Variants in RBFOX1 observed in about 807,000 individuals in gnomAD.
RBFOX1 encodes the protein RNA binding fox-1 homolog 1.
A neutral mutation model predicts 57.7 loss-of-function variants in RBFOX1; 8 were observed. The ratio of observed to expected loss-of-function variants is 0.14; its 90% CI spans 0.08 to 0.25. RBFOX1 has a LOEUF of 0.25. RBFOX1 is among the 10% of genes least tolerant of loss of function. The probability of loss-of-function intolerance (pLI) is 1.00; values close to 1 mark genes in which losing one functional copy is unlikely to be tolerated. For missense variants in RBFOX1, 611 were observed against 548.5 expected (o/e 1.11, Z -1.14); for synonymous variants, 326 against 222.4 (o/e 1.47, Z -4.15).
chr16:5,924,798 T>C (rs2058907569), intron 4 of RBFOX1, among the ~76,000 whole-genome samples: 1 of 152,236 alleles, frequency 6.6e-6, no homozygotes, highest in Non-Finnish European at 1.5e-5. Flanking sequence ...TGTTTCCATC[T>C]TCATGTCTCC....
At chr16:6,961,051 G>A (rs1046884016) in intron 3 of RBFOX1, among the ~76,000 whole-genome samples, 25 of 151,542 alleles carry the variant, frequency 1.6e-4, no homozygotes, top group Non-Finnish European at 2.4e-4. Flanking sequence ...GCTGAGGCAG[G>A]AGAATCACTT....
chr16:6,728,730 T>C (rs2067827357), intron 3 of RBFOX1, among the ~76,000 whole-genome samples: 1 of 152,160 alleles, frequency 6.6e-6, no homozygotes, highest in African/African-American at 2.4e-5. Flanking sequence ...TAATGCTCAA[T>C]AGAAGAAACA....
chr16:5,284,551 T>G (rs2063345629), intron 1 of RBFOX1, among the ~76,000 whole-genome samples: 1 of 150,446 alleles, frequency 6.6e-6, no homozygotes, highest in Non-Finnish European at 1.5e-5. Flanking sequence ...TTTTTTTTTT[T>G]TTTTTTAGGC....
chr16:6,102,944 T>G (rs1276521182), intron 1 of RBFOX1, among the ~76,000 whole-genome samples: 1 of 152,208 alleles, frequency 6.6e-6, no homozygotes, highest in Non-Finnish European at 1.5e-5. Context: ...TGCAGGCTTC[T>G]TAGAGTGTTC....
intron 1 of RBFOX1, among the ~76,000 whole-genome samples, chr16:5,322,097 A>T (rs1384670566): frequency 1.3e-5 from 2 of 152,068 alleles, no homozygotes; most frequent in Non-Finnish European, 2.9e-5. Flanking sequence ...CGGGACCTGA[A>T]CCCTGACGCA....
intron 2 of RBFOX1, among the ~76,000 whole-genome samples, chr16:6,620,814 G>A (rs1208371308): frequency 6.6e-6 from 1 of 152,198 alleles, no homozygotes; most frequent in African/African-American, 2.4e-5. Flanking sequence ...GAAGAAATTT[G>A]TTTTACTTTC....
intron 1 of RBFOX1, among the ~76,000 whole-genome samples, chr16:5,264,550 G>A (rs187602818): frequency 1.3e-5 from 2 of 152,310 alleles, no homozygotes; most frequent in East Asian, 3.9e-4. Context: ...GTTCTTTATT[G>A]TAAAAGTGTA....
chr16:6,010,957 C>T (rs1007339068), intron 4 of RBFOX1, among the ~76,000 whole-genome samples: 4 of 152,114 alleles, frequency 2.6e-5, no homozygotes, highest in Non-Finnish European at 5.9e-5. Flanking sequence ...CTATAATTTA[C>T]AGGTATTTTA....
chr16:5,539,213 A>G (rs1031889482), intron 2 of RBFOX1, among the ~76,000 whole-genome samples: 4 of 152,160 alleles, frequency 2.6e-5, no homozygotes, highest in Non-Finnish European at 2.9e-5. Flanking sequence ...CCAGGGAGCT[A>G]CAAAGTGCAT....
At chr16:5,295,660 A>G (rs551764255) in intron 1 of RBFOX1, among the ~76,000 whole-genome samples, 30 of 152,304 alleles carry the variant, frequency 2.0e-4, no homozygotes, top group African/African-American at 6.7e-4. Context: ...GGCAGCTCAC[A>G]TCTTCAAAGC....
At chr16:6,329,798 A>T (rs780198708) in intron 2 of RBFOX1, among the ~76,000 whole-genome samples, 1 of 152,190 alleles carries the variant, frequency 6.6e-6, no homozygotes, top group East Asian at 1.9e-4. Context: ...ATTAAGTGGG[A>T]ATAGTGTCAC....
chr16:5,827,401 G>C (rs2056099935), intron 3 of RBFOX1, among the ~76,000 whole-genome samples: 1 of 84,990 alleles, frequency 1.2e-5, no homozygotes, highest in Non-Finnish European at 2.3e-5. Context: ...CTCCATCTCA[G>C]GGAAAAAAAA....
intron 1 of RBFOX1, among the ~76,000 whole-genome samples, chr16:5,460,395 C>T (rs932126190): frequency 1.7e-4 from 26 of 152,228 alleles, no homozygotes; most frequent in African/African-American, 6.3e-4. Context: ...TACACCACTG[C>T]ACCTCCCTCA....
intron 2 of RBFOX1, among the ~76,000 whole-genome samples, chr16:5,560,334 C>T (rs1003867934): frequency 6.6e-6 from 1 of 152,132 alleles, no homozygotes; most frequent in Non-Finnish European, 1.5e-5. Flanking sequence ...CACTTAGTCA[C>T]CTCCTCTAGG....
intron 4 of RBFOX1, among the ~76,000 whole-genome samples, chr16:5,870,433 G>A (rs2057442970): frequency 6.7e-6 from 1 of 148,554 alleles, no homozygotes; most frequent in Non-Finnish European, 1.5e-5. Context: ...AACACAAAAT[G>A]TATCAACCAG....
chr16:6,237,532 A>G (rs1284641582), intron 1 of RBFOX1, among the ~76,000 whole-genome samples: 1 of 152,176 alleles, frequency 6.6e-6, no homozygotes, highest in African/African-American at 2.4e-5. Flanking sequence ...TTACGAGGTC[A>G]GGAGTTCAAG....
chr16:5,985,074 T>A (rs1422632137), intron 4 of RBFOX1, among the ~76,000 whole-genome samples: 2 of 148,228 alleles, frequency 1.3e-5, no homozygotes, highest in African/African-American at 5.0e-5. Flanking sequence ...CCACCTCCGC[T>A]TCCCGGGTTC....
At chr16:6,027,121 G>A (rs1402404475) in intron 1 of RBFOX1, among the ~76,000 whole-genome samples, 2 of 152,358 alleles carry the variant, frequency 1.3e-5, no homozygotes, top group Non-Finnish European at 2.9e-5. Context: ...AGAGATGAGG[G>A]TGAGGACTTG....
chr16:5,341,578 C>T (rs1315368192), intron 1 of RBFOX1, among the ~76,000 whole-genome samples: 6 of 152,128 alleles, frequency 3.9e-5, no homozygotes, highest in Non-Finnish European at 8.8e-5. Context: ...GCTTCATGGA[C>T]ACACAACGTG....
Sources: allele counts gnomAD v4.1 joint callset (sites outside exome capture counted in the v4.1 genomes callset), GRCh38; gene constraint gnomAD v4.1.1; transcripts MANE v1.5; gene names NCBI Gene and HGNC (gene_info 2026-07-23, HGNC 2026-07-21).